Variants in AKAP7 observed in about 807,000 individuals in gnomAD.
AKAP7 encodes the protein A-kinase anchoring protein 7, also known as A kinase (PRKA) anchor protein 7.
A neutral mutation model predicts 39.5 loss-of-function variants in AKAP7; 39 were observed. That is an observed-to-expected ratio of 0.99 (90% CI 0.76 to 1.29). The LOEUF is 1.29. AKAP7 is among the 50% of genes most tolerant of loss of function. The pLI is 0.00. For missense variants in AKAP7, 414 were observed against 407.7 expected, an observed-to-expected ratio of 1.02 and a Z score of -0.13; for synonymous variants, 140 against 139.1, an observed-to-expected ratio of 1.01 and a Z score of -0.05.
chr6:131,254,322 G>A (rs1812680030), intron 7 of AKAP7, among the ~76,000 whole-genome samples: 1 of 152,102 alleles, frequency 6.6e-6, no homozygotes, highest in Non-Finnish European at 1.5e-5. Context: ...TGATTTATTT[G>A]AATTACCTAA....
chr6:131,197,189 ATGG>A (rs1807024536), intron 5 of AKAP7, among the ~76,000 whole-genome samples: 1 of 151,970 alleles, frequency 6.6e-6, no homozygotes, highest in Non-Finnish European at 1.5e-5. Flanking sequence ...TATTATCTTC[ATGG>A]TGGTCATATG....
At chr6:131,275,773 C>T (rs1392852984) in intron 7 of AKAP7, among the ~76,000 whole-genome samples, 4 of 152,200 alleles carry the variant, frequency 2.6e-5, no homozygotes, top group Non-Finnish European at 5.9e-5. Context: ...GATCGGGGGG[C>T]TGGCTTCAGA....
At chr6:131,249,361 G>A (rs1014911060) in intron 7 of AKAP7, among the ~76,000 whole-genome samples, 11 of 151,890 alleles carry the variant, frequency 7.2e-5, no homozygotes, top group African/African-American at 2.4e-4. Context: ...TTTTTAATGC[G>A]ACAAATATAA....
chr6:131,190,366 C>T (rs139542651), intron 5 of AKAP7, among the ~76,000 whole-genome samples: 88 of 152,086 alleles, frequency 5.8e-4, no homozygotes, highest in African/African-American at 1.7e-3. Context: ...TGGCTGGGCG[C>T]GGTGGCTCAT....
At position 131,199,570 on chromosome 6, in the gene AKAP7, G is replaced by A; in HGVS notation, c.699G>A (p.Lys233=). The change falls in exon 6 of 8, where the codon AAG becomes AAA. Residue 233 remains lysine, a synonymous_variant. Coordinates refer to ENST00000431975, the MANE Select transcript of AKAP7 (RefSeq NM_016377.4). ...MKLSKSPWLR[K]NGVKKIDPDL... The stretch of plus-strand genomic sequence containing the variant: ...TGTCAAAATCACCGTGGCTCCGTAA[G>A]AATGTGAGTGCATGTTCTTATTGCA... 1 of 1,590,634 alleles carries A rather than the reference G, an allele frequency of 6.3e-7. No homozygotes were observed. The highest frequency in any genetic ancestry group is 8.6e-7 in the Non-Finnish European group (1 of 1,158,734).
chr6:131,217,199 C>T (rs1562221336), intron 6 of AKAP7, among the ~76,000 whole-genome samples: 1 of 152,152 alleles, frequency 6.6e-6, no homozygotes, highest in Non-Finnish European at 1.5e-5. Context: ...GCTTCTGAAA[C>T]TATTTTGCCA....
chr6:131,205,264 A>G (rs1289209128), intron 6 of AKAP7, among the ~76,000 whole-genome samples: 1 of 152,124 alleles, frequency 6.6e-6, no homozygotes, highest in Non-Finnish European at 1.5e-5. Context: ...TCAACTTAAA[A>G]AATTAGATTC....
chr6:131,149,379 A>G (rs1801731254), intron 2 of AKAP7, among the ~76,000 whole-genome samples: 1 of 152,272 alleles, frequency 6.6e-6, no homozygotes, highest in African/African-American at 2.4e-5. Context: ...TCACACCTGT[A>G]ATCCCAGCAC....
chr6:131,169,187 T>G lies in AKAP7; in HGVS notation c.503T>G (p.Phe168Cys), dbSNP rs867005528. 5.6e-6 allele frequency: 9 copies of G among 1,614,074 alleles called. No homozygotes were observed. The Middle Eastern group carries it at 1.5e-3, about 266-fold the overall frequency. Reference protein sequence around the residue: ...LLQGKHLTLPFQGIGTFGNQV... With the variant: ...LLQGKHLTLPCQGIGTFGNQV... The stretch of plus-strand genomic sequence containing the variant: ...CAGGGAAAACATTTGACTTTGCCCT[T>G]TCAAGGGATTGGTACTTTTGGAAAT... Residue 168 changes from phenylalanine (F) to cysteine (C), a missense_variant, in exon 5 of 8, where the codon TTT becomes TGT. Coordinates refer to ENST00000431975, the MANE Select transcript of AKAP7 (RefSeq NM_016377.4).
chr6:131,188,342 A>AAACAGCTTT (rs1159315269), intron 5 of AKAP7, among the ~76,000 whole-genome samples: 1 of 152,226 alleles, frequency 6.6e-6, no homozygotes, highest in Non-Finnish European at 1.5e-5. Flanking sequence ...GGAACAACAA[A>AAACAGCTTT]AACAGCTTTA....
In AKAP7 at chr6:131,282,506, G is replaced by A. The variant is rs1815285807; in HGVS notation, c.*780G>A. The A allele has an allele frequency of 6.5e-7, 1 of 1,535,870 alleles. No individual in the cohort carries two copies. Among genetic ancestry groups the A allele is most frequent in the Non-Finnish European group, 8.7e-7 (1 of 1,146,784 alleles). ...GATAAAGGAACTTTTATTAAAGCCT[G>A]AGACTCAGGCCAGAATTAGGAGGGA... is the stretch of plus-strand genomic sequence containing the variant. On this transcript the variant is annotated 3_prime_UTR_variant, in exon 8 of 8. Transcript: ENST00000431975.
chr6:131,132,815 C>A (rs1397196900), upstream of AKAP7, among the ~76,000 whole-genome samples: 1 of 152,190 alleles, frequency 6.6e-6, no homozygotes, highest in African/African-American at 2.4e-5. Flanking sequence ...TTCACAGGAG[C>A]TTTCACAGAT....
chr6:131,250,614 T>C, intron 7 of AKAP7: 1 of 1,613,862 alleles, frequency 6.2e-7, no homozygotes, highest in Non-Finnish European at 8.5e-7. Flanking sequence ...GAAGGAAAAA[T>C]CAGTAAGTGG....
chr6:131,176,173 C>T (rs1804556246), intron 5 of AKAP7, among the ~76,000 whole-genome samples: 1 of 152,062 alleles, frequency 6.6e-6, no homozygotes, highest in Admixed American at 6.5e-5. Flanking sequence ...CCCTTCTTTG[C>T]ATCACATGTA....
the AKAP7 span, among the ~76,000 whole-genome samples, chr6:131,129,758 T>A: frequency 6.6e-6 from 1 of 152,218 alleles, no homozygotes; most frequent in African/African-American, 2.4e-5. Context: ...ATATTCTTCT[T>A]CCAGCAAAAT....
intron 6 of AKAP7, among the ~76,000 whole-genome samples, chr6:131,206,350 G>GA (rs1448738053): frequency 6.6e-6 from 1 of 152,100 alleles, no homozygotes; most frequent in Non-Finnish European, 1.5e-5. Flanking sequence ...ACTTTAGAAT[G>GA]AAAAAAATGA....
chr6:131,251,983 C>T (rs1214405825), intron 7 of AKAP7, among the ~76,000 whole-genome samples: 2 of 152,192 alleles, frequency 1.3e-5, no homozygotes, highest in Non-Finnish European at 2.9e-5. Flanking sequence ...GAATTCTTTC[C>T]CCACCCTCTT....
chr6:131,236,387 G>A (rs1181857118), intron 7 of AKAP7, among the ~76,000 whole-genome samples: 2 of 152,166 alleles, frequency 1.3e-5, no homozygotes, highest in Non-Finnish European at 2.9e-5. Flanking sequence ...TGGCAATGTG[G>A]GCTCTTTTTT....
At chr6:131,137,089 A>ACTACAG (rs1800613095) in intron 1 of AKAP7, among the ~76,000 whole-genome samples, 1 of 151,806 alleles carries the variant, frequency 6.6e-6, no homozygotes, top group Admixed American at 6.6e-5. Context: ...AGCCTCCCCA[A>ACTACAG]GTAGCGGGGA....
Sources: allele counts gnomAD v4.1 joint callset (sites outside exome capture counted in the v4.1 genomes callset), GRCh38; gene constraint gnomAD v4.1.1; transcripts MANE v1.5; gene names NCBI Gene and HGNC (gene_info 2026-07-23, HGNC 2026-07-21).